MARCHF1: variants seen among roughly 807,000 people sequenced by gnomAD.
The protein encoded by MARCHF1 is E3 ubiquitin-protein ligase MARCHF1.
MARCHF1 carries 40 observed loss-of-function variants against 54.2 expected under a neutral mutation model. The ratio of observed to expected loss-of-function variants is 0.74; its 90% CI spans 0.57 to 0.96. The LOEUF (loss-of-function observed/expected upper bound fraction) is 0.96, where lower values mean the gene tolerates loss of function less well. Among genes scored for constraint, MARCHF1 ranks in the 40% least tolerant of loss-of-function variants. The pLI is 0.00. For missense variants in MARCHF1, 586 were observed against 656.5 expected (o/e 0.89, Z 1.17); for synonymous variants, 236 against 236.3 (o/e 1.00, Z 0.01).
rs1332702887 is a variant in MARCHF1, at chr4:164,169,797, C to T, written c.-322-58135G>A. The stretch of plus-strand genomic sequence containing the variant: ...ATTGCTGAACCATGAGTAACTTGAC[C>T]TTTCATGGTTAACATCTTTACTTGA... On this transcript the variant is annotated intron_variant, in intron 1 of 9. Coordinates refer to ENST00000514618, the MANE Select transcript of MARCHF1 (RefSeq NM_001394959.1). 2.0e-5 allele frequency among the ~76,000 whole-genome samples: 3 copies of T among 152,148 alleles called. No individual in the cohort carries two copies. In the East Asian group the frequency reaches 5.8e-4, roughly 29 times the overall value.
Position 163,743,118 on chromosome 4 carries a change from A to C in MARCHF1, c.112-42255T>G, listed in dbSNP as rs564729280. ...AAACAATATCCTTGATTCCAATTTTAGAAGAGCTACTGGGGGAAGAGGACA... is the reference window on the plus strand; with the variant it reads ...AAACAATATCCTTGATTCCAATTTTCGAAGAGCTACTGGGGGAAGAGGACA... On this transcript the variant is annotated intron_variant, in intron 4 of 9. Transcript: ENST00000514618. Among the ~76,000 whole-genome samples the C allele has an allele frequency of 1.6e-4, 25 of 152,352 alleles. 1 individual carries two copies. The highest frequency in any genetic ancestry group is 4.1e-4 in the African/African-American group (17 of 41,588).
chr4:163,785,365 T>C (rs987827556), intron 4 of MARCHF1, among the ~76,000 whole-genome samples: 3 of 152,118 alleles, frequency 2.0e-5, no homozygotes, highest in Non-Finnish European at 2.9e-5. Flanking sequence ...GCTTGCTCGA[T>C]TGAAAGTGTG....
intron 1 of MARCHF1, among the ~76,000 whole-genome samples, chr4:164,322,960 C>G (rs182446826): frequency 6.6e-6 from 1 of 151,842 alleles, no homozygotes; most frequent in East Asian, 1.9e-4. Context: ...AAAGCAGAAG[C>G]TGACAATTTA....
chr4:163,632,685 T>A lies in MARCHF1; in HGVS notation c.163-19292A>T, dbSNP rs565589369. 7.2e-3 allele frequency among the ~76,000 whole-genome samples: 1,093 copies of A among 152,280 alleles called. 12 individuals are homozygous for A. The highest frequency in any genetic ancestry group is 0.025 in the African/African-American group (1,027 of 41,556). ...AGGCTGGGGGAGGGGCGCCCACCAT[T>A]GCCCAGGCTTGCTTAGGTAAACAAA... is the stretch of plus-strand genomic sequence containing the variant. On this transcript the variant is annotated intron_variant, in intron 5 of 9. Coordinates refer to ENST00000514618, the MANE Select transcript of MARCHF1 (RefSeq NM_001394959.1).
chr4:163,763,288 A>T (rs1376403058), intron 4 of MARCHF1, among the ~76,000 whole-genome samples: 5 of 152,052 alleles, frequency 3.3e-5, no homozygotes, highest in African/African-American at 1.2e-4. Flanking sequence ...TGTCATTCTC[A>T]TTCATTGAGC....
At chr4:164,275,012 T>C (rs1187825142) in intron 1 of MARCHF1, among the ~76,000 whole-genome samples, 2 of 151,484 alleles carry the variant, frequency 1.3e-5, no homozygotes, top group African/African-American at 2.4e-5. Context: ...ACTTTGAAGA[T>C]CATAAAAAAT....
chr4:164,121,494 CT>C (rs2110775524), intron 1 of MARCHF1, among the ~76,000 whole-genome samples: 1 of 152,144 alleles, frequency 6.6e-6, no homozygotes, highest in East Asian at 1.9e-4. Flanking sequence ...GGAAAAAGCC[CT>C]TACAAAACCA....
chr4:163,975,196 T>A (rs7688412), intron 3 of MARCHF1, among the ~76,000 whole-genome samples: 49,619 of 117,154 alleles, frequency 0.42, 9,441 homozygotes, highest in African/African-American at 0.58. Context: ...TCTCTCTCTC[T>A]CACACACACA....
intron 2 of MARCHF1, among the ~76,000 whole-genome samples, chr4:164,017,617 C>T (rs1039364018): frequency 2.0e-5 from 3 of 151,578 alleles, no homozygotes; most frequent in African/African-American, 7.3e-5. Context: ...TATGTAAGAC[C>T]TAGCCACTGA....
intron 2 of MARCHF1, among the ~76,000 whole-genome samples, chr4:164,079,742 TTAG>T (rs1479258615): frequency 6.6e-6 from 1 of 152,146 alleles, no homozygotes; most frequent in Non-Finnish European, 1.5e-5. Context: ...TATCTACTTT[TTAG>T]TAGTCATAAT....
intron 4 of MARCHF1, among the ~76,000 whole-genome samples, chr4:163,798,397 A>C (rs1165535274): frequency 1.3e-5 from 2 of 152,156 alleles, no homozygotes; most frequent in Admixed American, 1.3e-4. Flanking sequence ...TACCCAACTT[A>C]TGGTATTTTG....
chr4:163,582,375 T>C lies in MARCHF1; in HGVS notation c.1191+3374A>G, dbSNP rs188409209. On this transcript the variant is annotated intron_variant, in intron 8 of 9. Coordinates refer to ENST00000514618, the MANE Select transcript of MARCHF1 (RefSeq NM_001394959.1). ...CTTGATTTTATATTCACTTTAAAGA[T>C]TGTCTTCTGGAAACATTAAGATACC... Among the ~76,000 whole-genome samples, 3 of 152,312 alleles carry C rather than the reference T, an allele frequency of 2.0e-5. No individual in the cohort carries two copies. In the East Asian group the frequency reaches 5.8e-4, roughly 29 times the overall value.
At chr4:163,891,752 C>T (rs1009332035) in intron 3 of MARCHF1, among the ~76,000 whole-genome samples, 1 of 152,152 alleles carries the variant, frequency 6.6e-6, no homozygotes. Flanking sequence ...AAGCAGGTTA[C>T]TGCAGAAAGC....
intron 3 of MARCHF1, among the ~76,000 whole-genome samples, chr4:163,958,581 A>G (rs1752277889): frequency 6.6e-6 from 1 of 152,054 alleles, no homozygotes; most frequent in Admixed American, 6.6e-5. Flanking sequence ...GTTACACAAC[A>G]TATAACATTT....
chr4:163,741,392 C>G (rs2111357966), intron 4 of MARCHF1, among the ~76,000 whole-genome samples: 1 of 151,982 alleles, frequency 6.6e-6, no homozygotes, highest in East Asian at 1.9e-4. Flanking sequence ...CAAGACAACT[C>G]TGGCCAACAT....
At chr4:163,723,728 T>C (rs1025852143) in intron 4 of MARCHF1, among the ~76,000 whole-genome samples, 1 of 152,196 alleles carries the variant, frequency 6.6e-6, no homozygotes, top group African/African-American at 2.4e-5. Context: ...CATGTCTTTT[T>C]ACTCTTTTTT....
At chr4:163,542,163 C>T (rs140517348) in intron 9 of MARCHF1, among the ~76,000 whole-genome samples, 7 of 152,298 alleles carry the variant, frequency 4.6e-5, no homozygotes, top group African/African-American at 1.4e-4. Flanking sequence ...GAAGAGTCCA[C>T]TGGAGGTTAC....
At chr4:163,905,796 T>C (rs1424764881) in intron 3 of MARCHF1, among the ~76,000 whole-genome samples, 2 of 152,020 alleles carry the variant, frequency 1.3e-5, no homozygotes, top group Non-Finnish European at 2.9e-5. Context: ...CAATTCTTCT[T>C]CACCTGATCT....
chr4:163,806,707 G>A (rs1748233835), intron 4 of MARCHF1, among the ~76,000 whole-genome samples: 1 of 152,076 alleles, frequency 6.6e-6, no homozygotes, highest in Non-Finnish European at 1.5e-5. Flanking sequence ...AAAAAGTGAT[G>A]GGAAAAGCAT....
Sources: allele counts gnomAD v4.1 joint callset (sites outside exome capture counted in the v4.1 genomes callset), GRCh38; gene constraint gnomAD v4.1.1; transcripts MANE v1.5; gene names NCBI Gene and HGNC (gene_info 2026-07-23, HGNC 2026-07-21).